Variants in ACTN4 observed in about 807,000 individuals in gnomAD.
The protein encoded by ACTN4 is alpha-actinin-4.
Under a neutral mutation model 114.2 loss-of-function variants are expected in ACTN4, and 18 were observed. The observed-to-expected ratio is 0.16, with a 90% CI of 0.11 to 0.23. ACTN4 has a LOEUF of 0.23. Ranked by LOEUF, ACTN4 falls within the 10% of genes least tolerant of loss-of-function variation. The pLI, the probability that ACTN4 is intolerant of heterozygous loss-of-function variation, is 1.00. For missense variants in ACTN4, 722 were observed against 1,262.9 expected (o/e 0.57, Z 6.49); for synonymous variants, 515 against 506.3 (o/e 1.02, Z -0.23).
At chr19:38,715,474 C>T (rs1242059748) in intron 9 of ACTN4, among the ~76,000 whole-genome samples, 2 of 151,874 alleles carry the variant, frequency 1.3e-5, no homozygotes, top group Non-Finnish European at 2.9e-5. Flanking sequence ...TCTAGCCTAG[C>T]GACAGAGCAA....
At chr19:38,692,806 C>T (rs1967973092) in intron 1 of ACTN4, among the ~76,000 whole-genome samples, 2 of 152,186 alleles carry the variant, frequency 1.3e-5, no homozygotes, top group African/African-American at 4.8e-5. Flanking sequence ...CCCTAGGACC[C>T]ATGGAAGCAG....
chr19:38,666,322 C>G (rs1015457904), intron 1 of ACTN4, among the ~76,000 whole-genome samples: 1 of 152,194 alleles, frequency 6.6e-6, no homozygotes, highest in African/African-American at 2.4e-5. Flanking sequence ...AGGCCTGAAG[C>G]AAATTTGGAA....
intron 1 of ACTN4, among the ~76,000 whole-genome samples, chr19:38,686,894 C>T (rs1599798592): frequency 6.6e-6 from 1 of 152,124 alleles, no homozygotes; most frequent in Non-Finnish European, 1.5e-5. Context: ...GGCCGCCTAT[C>T]CCCCTTTACC....
chr19:38,704,614 A>T (rs569580232), intron 3 of ACTN4, among the ~76,000 whole-genome samples: 1 of 152,240 alleles, frequency 6.6e-6, no homozygotes, highest in African/African-American at 2.4e-5. Context: ...AACAGAGGCC[A>T]CACGCCTGGG....
Position 38,688,642 on chromosome 19 carries a change from G to T in ACTN4, c.163-11958G>T, listed in dbSNP as rs182304247. On this transcript the variant is annotated intron_variant, in intron 1 of 20. Transcript: ENST00000252699. Reference sequence around the variant, plus strand: ...CCTGGGAGGCTGAGGTGGGCAGATTGCTTGAGCCCAGGAGTTCAAGGCTGC... The same window carrying T: ...CCTGGGAGGCTGAGGTGGGCAGATTTCTTGAGCCCAGGAGTTCAAGGCTGC... 2.0e-5 allele frequency among the ~76,000 whole-genome samples: 3 copies of T among 151,994 alleles called. No homozygotes were observed. The East Asian group carries it at 5.8e-4, about 29-fold the overall frequency.
intron 1 of ACTN4, among the ~76,000 whole-genome samples, chr19:38,650,731 G>A (rs1189392200): frequency 6.6e-6 from 1 of 152,066 alleles, no homozygotes; most frequent in Non-Finnish European, 1.5e-5. Flanking sequence ...CTCCCAGGCT[G>A]GCTGGGTTGT....
At chr19:38,661,810 GC>G (rs1170527246) in intron 1 of ACTN4, among the ~76,000 whole-genome samples, 1 of 152,116 alleles carries the variant, frequency 6.6e-6, no homozygotes, top group Non-Finnish European at 1.5e-5. Context: ...CCGCCACCAT[GC>G]CCGGCTAATT....
intron 1 of ACTN4, among the ~76,000 whole-genome samples, chr19:38,667,675 T>C (rs1321551448): frequency 6.7e-6 from 1 of 149,014 alleles, no homozygotes; most frequent in East Asian, 2.0e-4. Context: ...ACTGAGACGC[T>C]GGACTAGTCT....
At chr19:38,723,517 C>T in intron 12 of ACTN4, 97 bp from the exon 13 acceptor site, 2 of 865,888 alleles carry the variant, frequency 2.3e-6, no homozygotes, top group South Asian at 1.4e-5. Flanking sequence ...TGTTGACTGC[C>T]CCAACACCCT....
chr19:38,705,949 G>T, intron 4 of ACTN4, 95 bp from the exon 5 acceptor site: 1 of 1,288,246 alleles, frequency 7.8e-7, no homozygotes. Flanking sequence ...GGTTTCGTTT[G>T]ACCCCAGGCC....
chr19:38,691,760 G>A (rs1327472403), intron 1 of ACTN4, among the ~76,000 whole-genome samples: 1 of 151,672 alleles, frequency 6.6e-6, no homozygotes, highest in Admixed American at 6.6e-5. Context: ...AAAATTAGCC[G>A]GGTGTGATGG....
chr19:38,661,074 G>C (rs1415750169), intron 1 of ACTN4, among the ~76,000 whole-genome samples: 1 of 152,232 alleles, frequency 6.6e-6, no homozygotes, highest in Non-Finnish European at 1.5e-5. Context: ...CGAGTGGTCA[G>C]AGCGGAGCCC....
chr19:38,651,498 G>T (rs1298827278), intron 1 of ACTN4, among the ~76,000 whole-genome samples: 2 of 152,124 alleles, frequency 1.3e-5, no homozygotes, highest in African/African-American at 2.4e-5. Flanking sequence ...TGTCCTGGAA[G>T]GGTGAGATCT....
In ACTN4 at chr19:38,727,015, T is replaced by C; in HGVS notation, c.2249T>C (p.Val750Ala). 1 of 1,614,032 alleles carries C rather than the reference T, an allele frequency of 6.2e-7. No homozygotes were observed. Among genetic ancestry groups the C allele is most frequent in the Non-Finnish European group, 8.5e-7 (1 of 1,179,998 alleles). The change falls in exon 18 of 21, where the codon GTG becomes GCG. Residue 750 changes from valine (V) to alanine (A), a missense_variant. Val to Ala is a moderately conservative substitution (Grantham distance 64). Coordinates refer to ENST00000252699, the MANE Select transcript of ACTN4 (RefSeq NM_004924.6). This position sits in a 1 kb window ranked among gnomAD's most constrained non-coding sequence, Gnocchi z 5.4. ...ACCATTGCCCGCACCATCAACGAGG[T>C]GGAGAACCAGATCCTCACCCGCGAC... ...LTTIARTINEVENQILTRDAK... is the reference protein window; with the variant it reads ...LTTIARTINEAENQILTRDAK...
At chr19:38,693,915 C>T (rs1352603670) in intron 1 of ACTN4, among the ~76,000 whole-genome samples, 2 of 152,200 alleles carry the variant, frequency 1.3e-5, no homozygotes, top group Non-Finnish European at 2.9e-5. Context: ...ACAAGCTTGC[C>T]TTTCTCTGTT....
intron 1 of ACTN4, chr19:38,648,306 T>C: frequency 5.9e-6 from 1 of 170,208 alleles, no homozygotes; most frequent in Non-Finnish European, 1.2e-5. Context: ...CAGGGGAGGC[T>C]GAGAAGGGAA....
rs572231144 is a variant in ACTN4, at chr19:38,650,822, G to A, written c.162+2915G>A. ...GTGATCTTGGCTCACCGCAACCTCC[G>A]TCTCCCGGGTTCAAGCGATTCTCCT... On this transcript the variant is annotated intron_variant, in intron 1 of 20. Coordinates refer to ENST00000252699, the MANE Select transcript of ACTN4 (RefSeq NM_004924.6). 1.3e-4 allele frequency among the ~76,000 whole-genome samples: 20 copies of A among 152,068 alleles called. No individual in the cohort carries two copies. The East Asian group carries it at 2.9e-3, about 22-fold the overall frequency.
At chr19:38,682,596 GCCA>G (rs923125222) in intron 1 of ACTN4, among the ~76,000 whole-genome samples, 22 of 152,256 alleles carry the variant, frequency 1.4e-4, no homozygotes, top group African/African-American at 5.3e-4. Context: ...CCTCACCCAA[GCCA>G]CCACCTTGCA....
intron 1 of ACTN4, among the ~76,000 whole-genome samples, chr19:38,687,826 G>A (rs574896447): frequency 1.3e-5 from 2 of 152,158 alleles, no homozygotes; most frequent in Non-Finnish European, 2.9e-5. Flanking sequence ...CACTATTAAA[G>A]TAAAAGGACA....
Sources: allele counts gnomAD v4.1 joint callset (sites outside exome capture counted in the v4.1 genomes callset), GRCh38; gene constraint gnomAD v4.1.1; non-coding constraint Gnocchi (gnomAD v3.1); transcripts MANE v1.5; gene names NCBI Gene and HGNC (gene_info 2026-07-23, HGNC 2026-07-21).